Variants in ZNF560 observed in about 807,000 individuals in gnomAD.
ZNF560 encodes the protein zinc finger protein 560.
A neutral mutation model predicts 81.8 loss-of-function variants in ZNF560; 54 were observed. The ratio of observed to expected loss-of-function variants is 0.66; its 90% confidence interval spans 0.53 to 0.83. The LOEUF (loss-of-function observed/expected upper bound fraction) is 0.83. Ranked by LOEUF, ZNF560 falls within the 40% of genes least tolerant of loss-of-function variation. The pLI, the probability that ZNF560 is intolerant of heterozygous loss-of-function variation, is 0.00. For synonymous variants in ZNF560, 321 were observed against 317.9 expected (o/e 1.01, Z -0.10); for missense variants, 940 against 932.4 (o/e 1.01, Z -0.11).
chr19:9,446,005 T>TA, the ZNF560 span, among the ~76,000 whole-genome samples: 1 of 152,056 alleles, frequency 6.6e-6, no homozygotes, highest in Non-Finnish European at 1.5e-5. Context: ...ACTGAGGTAT[T>TA]AATCTCCCTC....
At chr19:9,491,945 A>G (rs910867165) in intron 2 of ZNF560, among the ~76,000 whole-genome samples, 2 of 150,522 alleles carry the variant, frequency 1.3e-5, no homozygotes, top group African/African-American at 5.0e-5. Context: ...TAAAAGCAAA[A>G]ACCAAAACTG....
At chr19:9,496,100 G>A (rs950521181) in intron 2 of ZNF560, among the ~76,000 whole-genome samples, 1 of 152,136 alleles carries the variant, frequency 6.6e-6, no homozygotes, top group African/African-American at 2.4e-5. Flanking sequence ...TTATAAAAAT[G>A]TTAACTACAT....
At chr19:9,459,692 AC>A in the ZNF560 span, among the ~76,000 whole-genome samples, 1 of 152,146 alleles carries the variant, frequency 6.6e-6, no homozygotes, top group African/African-American at 2.4e-5. Context: ...ATGGGGGTAG[AC>A]AGGTGAGGAT....
chr19:9,449,905 G>C, the ZNF560 span, among the ~76,000 whole-genome samples: 1 of 146,382 alleles, frequency 6.8e-6, no homozygotes. Flanking sequence ...GGAGGCGGAG[G>C]TTGCAGTGAG....
At chr19:9,501,968 C>G (rs1208709156), upstream of ZNF560, among the ~76,000 whole-genome samples, 1 of 151,696 alleles carries the variant, frequency 6.6e-6, no homozygotes, top group African/African-American at 2.4e-5. Flanking sequence ...GCCTGGCCAA[C>G]ATGGTGAAAG....
the ZNF560 span, among the ~76,000 whole-genome samples, chr19:9,455,053 A>T: frequency 2.7e-3 from 407 of 151,944 alleles, 1 homozygote; most frequent in Middle Eastern, 0.017. Flanking sequence ...GTTCGAGCAG[A>T]GCCCCGAGTG....
At chr19:9,454,332 T>G in the ZNF560 span, among the ~76,000 whole-genome samples, 1 of 152,252 alleles carries the variant, frequency 6.6e-6, no homozygotes, top group African/African-American at 2.4e-5. Context: ...TTTTTGTGTC[T>G]GTGTCTTTAT....
At chr19:9,450,718 CAG>C in the ZNF560 span, among the ~76,000 whole-genome samples, 1 of 151,868 alleles carries the variant, frequency 6.6e-6, no homozygotes, top group Non-Finnish European at 1.5e-5. Context: ...TTAGTAGAGA[CAG>C]GGTTTCACCA....
downstream of ZNF560, among the ~76,000 whole-genome samples, chr19:9,463,147 A>T (rs1295113468): frequency 6.6e-6 from 1 of 152,240 alleles, no homozygotes; most frequent in Admixed American, 6.5e-5. Context: ...TGAAATGTGG[A>T]AAACCCAAAA....
In ZNF560 at chr19:9,468,284, A is replaced by G. The variant is rs1231411518; in HGVS notation, c.663T>C (p.Asp221=). The part of the protein sequence containing the change: ...EELYDCKQCE[D]VFCKHPCLKT... The stretch of plus-strand genomic sequence containing the variant: ...TAAGGCATGGATGTTTACAGAAGAC[A>G]TCTTCACATTGCTTACAGTCATAGA... The change falls in exon 10 of 10, where the codon GAT becomes GAC. Residue 221 remains aspartate (D), a synonymous_variant. Coordinates refer to ENST00000301480, the MANE Select transcript of ZNF560 (RefSeq NM_152476.3). The G allele has an allele frequency of 4.3e-6, 7 of 1,612,420 alleles. No individual in the cohort carries two copies. The highest frequency in any genetic ancestry group is 1.3e-5 in the African/African-American group (1 of 74,864).
chr19:9,481,082 GA>G (rs60806361), intron 2 of ZNF560, among the ~76,000 whole-genome samples: 9,622 of 109,794 alleles, frequency 0.088, 778 homozygotes, highest in African/African-American at 0.26. Flanking sequence ...GAGATTATCT[GA>G]AAAAAAAAAA....
chr19:9,483,855 G>T (rs963115228), intron 2 of ZNF560, among the ~76,000 whole-genome samples: 23 of 151,964 alleles, frequency 1.5e-4, no homozygotes, highest in Middle Eastern at 3.4e-3. Context: ...ATAGAAAAGG[G>T]GGAAATGTGG....
intron 2 of ZNF560, among the ~76,000 whole-genome samples, chr19:9,482,270 G>C (rs541828721): frequency 6.6e-6 from 1 of 151,846 alleles, no homozygotes; most frequent in Non-Finnish European, 1.5e-5. Context: ...ACCAGGGCCT[G>C]TTGTGGGGTG....
chr19:9,449,285 A>G, the ZNF560 span, among the ~76,000 whole-genome samples: 7 of 152,232 alleles, frequency 4.6e-5, no homozygotes, highest in Non-Finnish European at 8.8e-5. Context: ...TTTGAAAATC[A>G]TACCAACCAT....
At chr19:9,473,905 T>C (rs1009848137) in intron 4 of ZNF560, among the ~76,000 whole-genome samples, 3 of 152,180 alleles carry the variant, frequency 2.0e-5, no homozygotes, top group African/African-American at 4.8e-5. Flanking sequence ...CTTAATATTA[T>C]AGTGCATCAA....
At chr19:9,481,460 G>C (rs1053774554) in intron 2 of ZNF560, among the ~76,000 whole-genome samples, 6 of 152,180 alleles carry the variant, frequency 3.9e-5, no homozygotes, top group African/African-American at 1.4e-4. Flanking sequence ...CACAGCAAAA[G>C]AAACTGCCAT....
intron 2 of ZNF560, among the ~76,000 whole-genome samples, chr19:9,484,057 G>A (rs1229267702): frequency 1.3e-5 from 2 of 152,168 alleles, no homozygotes; most frequent in Non-Finnish European, 2.9e-5. Context: ...TAAGGGTGGT[G>A]CAAGATGTGC....
Position 9,467,217 on chromosome 19 carries a change from C to T in ZNF560, c.1730G>A (p.Cys577Tyr), listed in dbSNP as rs1356756472. 6.2e-7 allele frequency: 1 copy of T among 1,614,166 alleles called. No individual in the cohort carries two copies. ...AGEKPYECMK[C>Y]GKAFTERSYL... is the part of the protein sequence containing the mutation. ...TGAGCGCTCAGTGAAGGCTTTCCCA[C>T]ATTTCATACATTCATAGGGTTTCTC... The change falls in exon 10 of 10, where the codon TGT becomes TAT. Residue 577 changes from cysteine (C) to tyrosine (Y), a missense_variant. Cys to Tyr is a radical substitution (Grantham distance 194). Transcript: ENST00000301480.
chr19:9,469,065 C>G (rs1210672880), intron 9 of ZNF560, 40 bp downstream of exon 9: 2 of 1,477,952 alleles, frequency 1.4e-6, no homozygotes, highest in South Asian at 2.5e-5. Context: ...CCAGTCTTCT[C>G]TGAATGTGAA....
Sources: allele counts gnomAD v4.1 joint callset (sites outside exome capture counted in the v4.1 genomes callset), GRCh38; gene constraint gnomAD v4.1.1; transcripts MANE v1.5; gene names NCBI Gene and HGNC (gene_info 2026-07-23, HGNC 2026-07-21).